The following ATP8A2 variants were observed in gnomAD, a reference collection of about 807,000 sequenced individuals.
ATP8A2 encodes ATPase phospholipid transporting 8A2.
In ATP8A2, 100 loss-of-function variants were observed where a neutral mutation model predicts 165.6. The ratio of observed to expected loss-of-function variants is 0.60; its 90% confidence interval spans 0.51 to 0.71. The LOEUF (loss-of-function observed/expected upper bound fraction) is 0.71. Among genes scored for constraint, ATP8A2 ranks in the 30% least tolerant of loss-of-function variants. The pLI, the probability that ATP8A2 is intolerant of heterozygous loss-of-function variation, is 0.00. For synonymous variants in ATP8A2, 543 were observed against 548.8 expected (o/e 0.99, Z 0.15); for missense variants, 1,227 against 1,479.5 (o/e 0.83, Z 2.80).
chr13:25,747,649 G>T (rs911677821), intron 25 of ATP8A2, among the ~76,000 whole-genome samples: 3 of 152,130 alleles, frequency 2.0e-5, no homozygotes, highest in African/African-American at 7.2e-5. Flanking sequence ...AATGCGTGGG[G>T]AGGGGTTTGT....
At chr13:25,803,569 G>T (rs535307307) in intron 27 of ATP8A2, among the ~76,000 whole-genome samples, 3 of 152,314 alleles carry the variant, frequency 2.0e-5, no homozygotes, top group African/African-American at 4.8e-5. Flanking sequence ...ACACAGATTA[G>T]TTGTGCAGTC....
At chr13:25,790,551 T>C (rs2045142267) in intron 27 of ATP8A2, among the ~76,000 whole-genome samples, 2 of 150,960 alleles carry the variant, frequency 1.3e-5, no homozygotes, top group African/African-American at 4.9e-5. Context: ...AAAAATTAGC[T>C]GGGCATGGTG....
chr13:25,698,224 G>GTTTT (rs57633900), intron 24 of ATP8A2, among the ~76,000 whole-genome samples: 1 of 141,514 alleles, frequency 7.1e-6, no homozygotes. Context: ...AAGAACGTCT[G>GTTTT]TTTTTTTTTT....
chr13:25,501,740 ATAAAGCTCAATGC>A (rs2036858085), intron 2 of ATP8A2, among the ~76,000 whole-genome samples: 1 of 152,242 alleles, frequency 6.6e-6, no homozygotes, highest in African/African-American at 2.4e-5. Context: ...GGAAGGTAGC[ATAAAGCTCAATGC>A]TGAAGGGCGA....
chr13:25,780,363 C>T lies in ATP8A2; in HGVS notation c.2679+5404C>T, dbSNP rs78145791. ...TGGAGTCTACTTATTTTTGGCAACA[C>T]ATACAAGAAATTTTAGTGTTTTCTT... On this transcript the variant is annotated intron_variant, in intron 27 of 36. Coordinates refer to ENST00000381655, the MANE Select transcript of ATP8A2 (RefSeq NM_016529.6). 3.9e-3 allele frequency among the ~76,000 whole-genome samples: 593 copies of T among 151,994 alleles called. 5 individuals carry two copies. Among genetic ancestry groups the T allele is most frequent in the African/African-American group, 0.014 (572 of 41,450 alleles).
chr13:25,786,032 C>A (rs934221824), intron 27 of ATP8A2, among the ~76,000 whole-genome samples: 1 of 152,136 alleles, frequency 6.6e-6, no homozygotes, highest in South Asian at 2.1e-4. Context: ...TTTTAAAACA[C>A]CCTTATGTAT....
chr13:25,813,650 T>G (rs548895248), intron 27 of ATP8A2, among the ~76,000 whole-genome samples: 2 of 152,056 alleles, frequency 1.3e-5, no homozygotes, highest in Admixed American at 1.3e-4. Flanking sequence ...ATAGAAGCAT[T>G]TCCAGAATTG....
chr13:25,378,146 G>A (rs1268470406), intron 1 of ATP8A2, among the ~76,000 whole-genome samples: 1 of 151,972 alleles, frequency 6.6e-6, no homozygotes, highest in Non-Finnish European at 1.5e-5. Flanking sequence ...CATGAATGAT[G>A]CTGGTCACTC....
intron 30 of ATP8A2, among the ~76,000 whole-genome samples, chr13:25,842,645 C>T (rs1951770314): frequency 6.7e-6 from 1 of 148,384 alleles, no homozygotes; most frequent in Non-Finnish European, 1.5e-5. Flanking sequence ...GCACTCCAGC[C>T]TGGGCCAAAA....
intron 24 of ATP8A2, among the ~76,000 whole-genome samples, chr13:25,683,216 G>A (rs1409568970): frequency 1.3e-5 from 2 of 152,138 alleles, no homozygotes; most frequent in African/African-American, 2.4e-5. Flanking sequence ...TTAGCACATT[G>A]CCCTTAGACA....
chr13:25,760,195 C>T (rs2044352194), intron 25 of ATP8A2, among the ~76,000 whole-genome samples: 2 of 152,174 alleles, frequency 1.3e-5, no homozygotes, highest in African/African-American at 4.8e-5. Flanking sequence ...AAGTTGCCCT[C>T]ACCACTAACA....
intron 27 of ATP8A2, among the ~76,000 whole-genome samples, chr13:25,824,574 C>T (rs1951266232): frequency 6.6e-6 from 1 of 152,148 alleles, no homozygotes; most frequent in South Asian, 2.1e-4. Context: ...TCTTGGAGCA[C>T]TTCCTGCTCT....
At chr13:25,845,430 C>A (rs994224396) in intron 30 of ATP8A2, among the ~76,000 whole-genome samples, 4 of 152,224 alleles carry the variant, frequency 2.6e-5, no homozygotes, top group African/African-American at 7.2e-5. Flanking sequence ...CTATGCTTAA[C>A]AAAAGAAAAG....
chr13:25,558,360 T>G (rs2039044053), intron 13 of ATP8A2, among the ~76,000 whole-genome samples: 1 of 151,614 alleles, frequency 6.6e-6, no homozygotes, highest in South Asian at 2.1e-4. Flanking sequence ...GTATTATATG[T>G]AGATGTAGTA....
intron 1 of ATP8A2, among the ~76,000 whole-genome samples, chr13:25,403,281 A>G (rs773638361): frequency 4.6e-5 from 7 of 152,090 alleles, no homozygotes; most frequent in Non-Finnish European, 1.0e-4. Flanking sequence ...CCCTGCCTCC[A>G]TTACTGTGAG....
chr13:25,976,557 GGTCTGATGAAAAGGGTCACAGTCTGCT>G (rs147591218), intron 35 of ATP8A2, among the ~76,000 whole-genome samples: 4,928 of 152,096 alleles, frequency 0.032, 161 homozygotes, highest in Non-Finnish European at 0.045. Context: ...CTTCTAGCAT[GGTCTGATGAAAAGGGTCACAGTCTGCT>G]GTCTGGTGAA....
At chr13:25,562,147 T>C (rs1157837213) in intron 15 of ATP8A2, among the ~76,000 whole-genome samples, 1 of 152,214 alleles carries the variant, frequency 6.6e-6, no homozygotes, top group Non-Finnish European at 1.5e-5. Flanking sequence ...AAATATGGAA[T>C]TACTGGGTCG....
intron 24 of ATP8A2, among the ~76,000 whole-genome samples, chr13:25,637,284 C>T (rs1329708247): frequency 1.3e-5 from 2 of 151,996 alleles, no homozygotes; most frequent in Admixed American, 6.6e-5. Context: ...TGCAGCCCAA[C>T]GAGCATGAGC....
At chr13:25,914,107 T>A (rs2139003913) in intron 33 of ATP8A2, among the ~76,000 whole-genome samples, 1 of 152,328 alleles carries the variant, frequency 6.6e-6, no homozygotes, top group South Asian at 2.1e-4. Context: ...TTTGTGGACA[T>A]CCAAATTATT....
Sources: allele counts gnomAD v4.1 joint callset (sites outside exome capture counted in the v4.1 genomes callset), GRCh38; gene constraint gnomAD v4.1.1; transcripts MANE v1.5; gene names NCBI Gene and HGNC (gene_info 2026-07-23, HGNC 2026-07-21).